The following CDH18 variants were observed in gnomAD, a reference collection of about 807,000 sequenced individuals.
CDH18 encodes the protein cadherin 18.
Under a neutral mutation model 67.9 loss-of-function variants are expected in CDH18, and 31 were observed. That is an observed-to-expected ratio of 0.46 (90% CI 0.34 to 0.62). The LOEUF is 0.62. Ranked by LOEUF, CDH18 falls within the 20% of genes least tolerant of loss-of-function variation. The pLI, the probability that CDH18 is intolerant of heterozygous loss-of-function variation, is 0.01. For missense variants in CDH18, 890 were observed against 975.5 expected, an observed-to-expected ratio of 0.91 and a Z score of 1.17; for synonymous variants, 362 against 347.2, an observed-to-expected ratio of 1.04 and a Z score of -0.48.
intron 4 of CDH18, among the ~76,000 whole-genome samples, chr5:19,746,006 A>G (rs1769946437): frequency 6.6e-6 from 1 of 152,138 alleles, no homozygotes; most frequent in Non-Finnish European, 1.5e-5. Flanking sequence ...TCAATCTAAA[A>G]CAATACTCAT....
At chr5:19,743,749 C>T (rs376554618) in intron 4 of CDH18, among the ~76,000 whole-genome samples, 7 of 151,828 alleles carry the variant, frequency 4.6e-5, no homozygotes, top group East Asian at 3.9e-4. Context: ...GGCAAGACCC[C>T]GTCTCTACTA....
At chr5:19,721,305 G>A (rs1766054983) in intron 5 of CDH18, 42 bp downstream of exon 5, 1 of 1,514,960 alleles carries the variant, frequency 6.6e-7, no homozygotes, top group Non-Finnish European at 8.9e-7. Context: ...GCAACTTACT[G>A]TAGCAAACGC....
intron 1 of CDH18, among the ~76,000 whole-genome samples, chr5:20,457,673 T>C (rs1185592677): frequency 1.3e-5 from 2 of 152,176 alleles, no homozygotes; most frequent in Non-Finnish European, 1.5e-5. Flanking sequence ...TTCTAAGAAT[T>C]TGGAAGGTCT....
intron 2 of CDH18, among the ~76,000 whole-genome samples, chr5:20,044,067 T>A (rs1317009496): frequency 6.6e-6 from 1 of 152,150 alleles, no homozygotes; most frequent in Admixed American, 6.5e-5. Flanking sequence ...ATAGGCACTA[T>A]TCATTAATTA....
intron 2 of CDH18, among the ~76,000 whole-genome samples, chr5:19,953,812 G>T: frequency 6.6e-6 from 1 of 152,032 alleles, no homozygotes; most frequent in East Asian, 1.9e-4. Flanking sequence ...GTCAAACTAT[G>T]AGGTTGTTTT....
At chr5:20,471,412 T>A (rs1752060641) in intron 1 of CDH18, among the ~76,000 whole-genome samples, 1 of 152,164 alleles carries the variant, frequency 6.6e-6, no homozygotes, top group Admixed American at 6.5e-5. Flanking sequence ...ATCATGGTAA[T>A]CTTTTTAATA....
At chr5:20,003,217 C>A (rs115241555) in intron 2 of CDH18, among the ~76,000 whole-genome samples, 1,871 of 152,164 alleles carry the variant, frequency 0.012, 17 homozygotes, top group Middle Eastern at 0.051. Flanking sequence ...TAAAAAGGCA[C>A]AACAAACCCC....
intron 7 of CDH18, among the ~76,000 whole-genome samples, chr5:19,589,742 C>G (rs1744781009): frequency 6.6e-6 from 1 of 152,094 alleles, no homozygotes. Flanking sequence ...TGCCCACTGA[C>G]TGCATTCCTC....
chr5:19,996,751 T>C (rs1389033757), intron 2 of CDH18, among the ~76,000 whole-genome samples: 1 of 151,990 alleles, frequency 6.6e-6, no homozygotes, highest in Non-Finnish European at 1.5e-5. Context: ...TTATTGCTAA[T>C]TGGGAAATAA....
intron 1 of CDH18, among the ~76,000 whole-genome samples, chr5:20,544,709 C>T (rs4295394): frequency 0.44 from 66,638 of 151,586 alleles, 15,018 homozygotes; most frequent in East Asian, 0.57. Context: ...CCACCCTCAA[C>T]GTGTGAGGAT....
In CDH18 at chr5:19,583,098, T is replaced by TA. The variant is rs199755727; in HGVS notation, c.999+7958dup. Among the ~76,000 whole-genome samples, 71 of 152,136 alleles carry TA rather than the reference T, an allele frequency of 4.7e-4. 2 individuals carry two copies. The East Asian group carries it at 0.014, about 29-fold the overall frequency. ...TACCCATGGTGGGGTATGGAAATCTTAAAAATACACAGTACTTGGTTATGA... is the reference window on the plus strand; with the variant it reads ...TACCCATGGTGGGGTATGGAAATCTTAAAAAATACACAGTACTTGGTTATGA... On this transcript the variant is annotated intron_variant, in intron 7 of 12. Transcript: ENST00000382275.
chr5:20,040,084 C>G (rs929332297), intron 2 of CDH18, among the ~76,000 whole-genome samples: 5 of 151,796 alleles, frequency 3.3e-5, no homozygotes, highest in African/African-American at 9.7e-5. Flanking sequence ...ATGAGGCCAA[C>G]AAACATATGA....
At chr5:19,611,114 G>T (rs1318427545) in intron 6 of CDH18, among the ~76,000 whole-genome samples, 5 of 152,134 alleles carry the variant, frequency 3.3e-5, no homozygotes, top group African/African-American at 1.2e-4. Flanking sequence ...GAACACCTAA[G>T]TTCGCAAAAC....
At chr5:20,384,610 T>C (rs1366759253) in intron 1 of CDH18, among the ~76,000 whole-genome samples, 1 of 152,152 alleles carries the variant, frequency 6.6e-6, no homozygotes, top group African/African-American at 2.4e-5. Context: ...ATAAGTGGGA[T>C]TGATGGATCA....
At chr5:20,047,080 G>C (rs1440156956) in intron 2 of CDH18, among the ~76,000 whole-genome samples, 1 of 151,756 alleles carries the variant, frequency 6.6e-6, no homozygotes, top group Non-Finnish European at 1.5e-5. Context: ...AAACAAGAGA[G>C]AGTATAAAAT....
At chr5:20,079,746 T>C (rs1307337751) in intron 2 of CDH18, among the ~76,000 whole-genome samples, 1 of 152,168 alleles carries the variant, frequency 6.6e-6, no homozygotes, top group East Asian at 1.9e-4. Flanking sequence ...ACTGCTATAA[T>C]AAGTTACCAA....
chr5:19,894,629 C>A (rs1227963237), intron 2 of CDH18, among the ~76,000 whole-genome samples: 2 of 152,028 alleles, frequency 1.3e-5, no homozygotes. Flanking sequence ...AATTAAGAAA[C>A]CATATGTGCA....
chr5:20,019,585 A>T (rs1322928745), intron 2 of CDH18, among the ~76,000 whole-genome samples: 1 of 152,134 alleles, frequency 6.6e-6, no homozygotes, highest in Non-Finnish European at 1.5e-5. Flanking sequence ...CTCTGTCCAT[A>T]TACAGCATAC....
chr5:19,477,309 G>T (rs2126532671), intron 12 of CDH18, among the ~76,000 whole-genome samples: 1 of 151,496 alleles, frequency 6.6e-6, no homozygotes, highest in East Asian at 1.9e-4. Context: ...TGTTCCTGAT[G>T]AACTTATTTT....
Sources: allele counts gnomAD v4.1 joint callset (sites outside exome capture counted in the v4.1 genomes callset), GRCh38; gene constraint gnomAD v4.1.1; transcripts MANE v1.5; gene names NCBI Gene and HGNC (gene_info 2026-07-23, HGNC 2026-07-21).